The following IFT20 variants were observed in gnomAD, a reference collection of about 807,000 sequenced individuals.
IFT20 encodes the protein intraflagellar transport protein 20 homolog.
IFT20 carries 4 observed loss-of-function variants against 16.9 expected under a neutral mutation model. That is an observed-to-expected ratio of 0.24 (90% confidence interval 0.12 to 0.54). IFT20 has a LOEUF of 0.54. IFT20 is among the 20% of genes least tolerant of loss of function. The probability of loss-of-function intolerance (pLI) is 0.95; values close to 1 mark genes in which losing one functional copy is unlikely to be tolerated. For missense variants in IFT20, 154 were observed against 149.7 expected (o/e 1.03, Z -0.15); for synonymous variants, 48 against 49.9 (o/e 0.96, Z 0.16).
chr17:28,332,117 C>A, intron 1 of IFT20, 130 bp from the exon 2 acceptor site: 1 of 1,577,332 alleles, frequency 6.3e-7, no homozygotes, highest in Non-Finnish European at 8.6e-7. Context: ...GATCCCCGTT[C>A]CCTCTGCCAC....
intron 4 of IFT20, 64 bp downstream of exon 4, chr17:28,329,109 A>T (rs1555576015): frequency 9.2e-7 from 1 of 1,083,716 alleles, no homozygotes; most frequent in Non-Finnish European, 1.4e-6. Flanking sequence ...AGAAGTGATC[A>T]TTCCAGAAGG....
chr17:28,328,785 G>A (rs782585642), intron 4 of IFT20, 52 bp from the exon 5 acceptor site: 22 of 1,038,370 alleles, frequency 2.1e-5, no homozygotes, highest in African/African-American at 1.1e-4. Flanking sequence ...GTAAACCACA[G>A]ACCTAATTCT....
intron 1 of IFT20, among the ~76,000 whole-genome samples, chr17:28,334,984 G>C (rs1356979956): frequency 6.6e-6 from 1 of 152,096 alleles, no homozygotes. Context: ...CATCACACGC[G>C]TGTCTGAGCA....
Position 28,328,515 on chromosome 17 carries a change from AG to A in IFT20, c.*136del. The A allele has an allele frequency of 1.5e-6, 1 of 669,880 alleles. No individual in the cohort carries two copies. The allele number at this position is 669,880 out of a possible 1,614,324, so 41.5% of individuals were successfully genotyped here. ...CCCCCAGACTTGTAGTGCTGTCTTC[AG>A]GGGGCTGCATTCCTTACACGCCACC... is the stretch of plus-strand genomic sequence containing the variant. On this transcript the variant is annotated 3_prime_UTR_variant, in exon 5 of 5. Coordinates refer to ENST00000395418, the MANE Select transcript of IFT20 (RefSeq NM_001267776.2).
At chr17:28,330,690 C>A (rs1234995192) in intron 2 of IFT20, among the ~76,000 whole-genome samples, 162 bp from the exon 3 acceptor site, 1 of 152,036 alleles carries the variant, frequency 6.6e-6, no homozygotes, top group Non-Finnish European at 1.5e-5. Flanking sequence ...GTAGTCCCAG[C>A]TACTCAGGGG....
chr17:28,331,690 T>C (rs1285068983), intron 2 of IFT20, 169 bp downstream of exon 2: 11 of 752,876 alleles, frequency 1.5e-5, no homozygotes, highest in Middle Eastern at 7.3e-4. Flanking sequence ...TGGGGACACA[T>C]GAGAGCACAA....
chr17:28,328,714 C>G lies in IFT20; in HGVS notation c.337G>C (p.Ala113Pro). 1 of 1,602,068 alleles carries G rather than the reference C, an allele frequency of 6.2e-7. No homozygotes were observed. Among genetic ancestry groups the G allele is most frequent in the African/African-American group, 1.3e-5 (1 of 74,192 alleles). The stretch of plus-strand genomic sequence containing the variant: ...TGTTCTGCTTCTACTTTACACAAAG[C>G]TTCATATTCAACCCGATACCTGAAA... ...QLERYRVEYEALCKVEAEQNE... is the reference protein window; with the variant it reads ...QLERYRVEYEPLCKVEAEQNE... The change falls in exon 5 of 5, where the codon GCT (alanine) becomes CCT (proline). Residue 113 changes from alanine to proline, a missense_variant. By Grantham distance (27) the Ala-to-Pro change is conservative. Transcript: ENST00000395418.
chr17:28,332,055 AG>A, intron 1 of IFT20, 68 bp from the exon 2 acceptor site: 1 of 1,612,378 alleles, frequency 6.2e-7, no homozygotes, highest in Non-Finnish European at 8.5e-7. Flanking sequence ...CTGCCAAGCC[AG>A]CCCCACTCCT....
chr17:28,329,086 A>G (rs1487935836), intron 4 of IFT20, 87 bp downstream of exon 4: 1 of 867,450 alleles, frequency 1.2e-6, no homozygotes, highest in Non-Finnish European at 1.9e-6. Flanking sequence ...AACAATGATG[A>G]AGAATAAGGA....
intron 3 of IFT20, chr17:28,329,928 C>CA: frequency 2.8e-6 from 1 of 362,334 alleles, no homozygotes; most frequent in African/African-American, 2.1e-5. Flanking sequence ...GGCATGGTGG[C>CA]ACATGCCTGT....
At position 28,328,626 on chromosome 17, in the gene IFT20, C is replaced by G. The variant is rs782500870; in HGVS notation, c.*26G>C. On this transcript the variant is annotated 3_prime_UTR_variant, in exon 5 of 5. Coordinates refer to ENST00000395418, the MANE Select transcript of IFT20 (RefSeq NM_001267776.2). ...GAGAGGCTTTTTTTTGTTTTGCCTT[C>G]CTACTATAAAAGCGAAATTTTCAGT... 1.3e-6 allele frequency: 2 copies of G among 1,510,156 alleles called. No individual in the cohort carries two copies. Among genetic ancestry groups the G allele is most frequent in the Admixed American group, 3.8e-5 (2 of 52,812 alleles). 93.5% of individuals were successfully genotyped at this position (1,510,156 alleles called of 1,614,324 possible).
intron 2 of IFT20, 135 bp downstream of exon 2, chr17:28,331,724 A>T: frequency 9.4e-7 from 1 of 1,062,640 alleles, no homozygotes; most frequent in Non-Finnish European, 1.4e-6. Flanking sequence ...AAAGGGTGGC[A>T]CGTGGGAACT....
At chr17:28,331,051 C>T (rs1171797921) in intron 2 of IFT20, among the ~76,000 whole-genome samples, 1 of 152,238 alleles carries the variant, frequency 6.6e-6, no homozygotes, top group Non-Finnish European at 1.5e-5. Context: ...GACACAAGCG[C>T]TGCCTCTGGA....
Position 28,330,920 on chromosome 17 carries a change from C to T in IFT20, c.128-392G>A, listed in dbSNP as rs546671605. ...TTGCATCCCCACTGAGCCAGCCAGC[C>T]GCTATGACCTCCGGCTATGAAAGCA... On this transcript the variant is annotated intron_variant, in intron 2 of 4. Coordinates refer to ENST00000395418, the MANE Select transcript of IFT20 (RefSeq NM_001267776.2). Among the ~76,000 whole-genome samples the T allele has an allele frequency of 7.9e-5, 12 of 152,366 alleles. No homozygotes were observed. The East Asian group carries it at 9.6e-4, about 12-fold the overall frequency.
chr17:28,328,639 CG>C lies in IFT20; in HGVS notation c.*12del. 6.3e-7 allele frequency: 1 copy of C among 1,577,356 alleles called. No homozygotes were observed. The highest frequency in any genetic ancestry group is 1.2e-5 in the South Asian group (1 of 86,546). ...TTGTTTTGCCTTCCTACTATAAAAG[CG>C]AAATTTTCAGTTCATTTCTGAAAAA... On this transcript the variant is annotated 3_prime_UTR_variant, in exon 5 of 5. Coordinates refer to ENST00000395418, the MANE Select transcript of IFT20 (RefSeq NM_001267776.2).
Position 28,331,713 on chromosome 17 carries a change from A to G in IFT20, c.127+146T>C, listed in dbSNP as rs993987616. 1.1e-5 allele frequency: 11 copies of G among 957,128 alleles called. No homozygotes were observed. The East Asian group carries it at 2.7e-4, about 23-fold the overall frequency. 59.3% of individuals were successfully genotyped at this position (957,128 alleles called of 1,614,324 possible). On this transcript the variant is annotated intron_variant, in intron 2 of 4. Coordinates refer to ENST00000395418, the MANE Select transcript of IFT20 (RefSeq NM_001267776.2). ...CATGAGAGCACAAGAGGGCAGACAGAAAAGGGTGGCACGTGGGAACTCACA... is the reference window on the plus strand; with the variant it reads ...CATGAGAGCACAAGAGGGCAGACAGGAAAGGGTGGCACGTGGGAACTCACA...
chr17:28,332,374 A>G, intron 1 of IFT20: 1 of 595,690 alleles, frequency 1.7e-6, no homozygotes, highest in Non-Finnish European at 2.9e-6. Flanking sequence ...TGAAGAGCAC[A>G]TAGTTCAGCT....
intron 1 of IFT20, among the ~76,000 whole-genome samples, chr17:28,334,886 C>G (rs1907034968): frequency 1.3e-5 from 2 of 152,176 alleles, no homozygotes; most frequent in African/African-American, 4.8e-5. Context: ...CTTGGCCCAC[C>G]TATCTGATTG....
Position 28,330,497 on chromosome 17 carries a change from AC to A in IFT20, c.158del (p.Gly53ValfsTer2), listed in dbSNP as rs1906700689. 6.2e-7 allele frequency: 1 copy of A among 1,613,524 alleles called. No homozygotes were observed. The highest frequency in any genetic ancestry group is 1.3e-5 in the African/African-American group (1 of 74,904). ...CAAGTTGATCAACAAGCTCAATTAA[AC>A]CACCAACTATTTTCTGAAACTGGCC... ...KIGQFQKIVG[G>X]LIELVDQLAK... On this transcript the variant is annotated frameshift_variant, in exon 3 of 5. Coordinates refer to ENST00000395418, the MANE Select transcript of IFT20 (RefSeq NM_001267776.2). LOFTEE classifies it high-confidence loss of function.
Sources: allele counts gnomAD v4.1 joint callset (sites outside exome capture counted in the v4.1 genomes callset), GRCh38; gene constraint gnomAD v4.1.1; transcripts MANE v1.5; gene names NCBI Gene and HGNC (gene_info 2026-07-23, HGNC 2026-07-21).